Variants in DOCK3 observed in about 807,000 individuals in gnomAD.
The protein encoded by DOCK3 is dedicator of cytokinesis 3, also known as dedicator of cytokinesis protein 3.
In DOCK3, 60 loss-of-function variants were observed where a neutral mutation model predicts 265.6. The ratio of observed to expected loss-of-function variants is 0.23; its 90% CI spans 0.18 to 0.28. DOCK3 has a LOEUF of 0.28. DOCK3 is among the 10% of genes least tolerant of loss of function. The pLI is 1.00. For synonymous variants in DOCK3, 881 were observed against 938.0 expected (o/e 0.94, Z 1.11); for missense variants, 1,981 against 2,594.3 (o/e 0.76, Z 5.14).
chr3:50,819,455 A>G (rs1349205693), intron 2 of DOCK3, among the ~76,000 whole-genome samples: 2 of 152,204 alleles, frequency 1.3e-5, no homozygotes, highest in Non-Finnish European at 2.9e-5. Flanking sequence ...TGTATTGAAC[A>G]CACTATTCCT....
At chr3:51,322,904 A>T (rs1367361527) in intron 32 of DOCK3, among the ~76,000 whole-genome samples, 1 of 150,858 alleles carries the variant, frequency 6.6e-6, no homozygotes, top group African/African-American at 2.4e-5. Context: ...TATTCAAGAG[A>T]CCCATCTCAC....
In DOCK3 at chr3:51,277,555, G is replaced by C. The variant is rs145664535; in HGVS notation, c.2677-53G>C. ...GCTGACCTAGTAAGTGCTGCCAGCTGTACTTCAGCCTGGCTTGCTGCTAAT... is the reference window on the plus strand; with the variant it reads ...GCTGACCTAGTAAGTGCTGCCAGCTCTACTTCAGCCTGGCTTGCTGCTAAT... On this transcript the variant is annotated intron_variant, in intron 25 of 52. Coordinates refer to ENST00000266037, the MANE Select transcript of DOCK3 (RefSeq NM_004947.5). The C allele has an allele frequency of 2.4e-4, 359 of 1,491,406 alleles. 2 individuals carry two copies. In the African/African-American group the frequency reaches 4.6e-3, roughly 19 times the overall value. 92.4% of individuals were successfully genotyped at this position (1,491,406 alleles called of 1,614,324 possible). A position where few individuals can be genotyped will look rare whatever the true frequency, so the allele number is the denominator to read the frequency against.
chr3:51,263,488 G>A (rs1018085621), intron 23 of DOCK3, among the ~76,000 whole-genome samples: 3 of 152,154 alleles, frequency 2.0e-5, no homozygotes, highest in Non-Finnish European at 2.9e-5. Flanking sequence ...AAGGATCATC[G>A]ACACTATGAA....
chr3:51,152,116 T>G (rs945894850), intron 10 of DOCK3, among the ~76,000 whole-genome samples: 1 of 152,208 alleles, frequency 6.6e-6, no homozygotes, highest in African/African-American at 2.4e-5. Context: ...ATTCTCCCCG[T>G]CACTTTCAGG....
chr3:50,679,372 C>T (rs2034223108), intron 1 of DOCK3, among the ~76,000 whole-genome samples: 1 of 152,078 alleles, frequency 6.6e-6, no homozygotes, highest in African/African-American at 2.4e-5. Flanking sequence ...AATCTGAAGA[C>T]CTTACATTTT....
intron 3 of DOCK3, among the ~76,000 whole-genome samples, chr3:50,862,205 T>G (rs2046949216): frequency 1.3e-5 from 2 of 152,216 alleles, no homozygotes; most frequent in African/African-American, 4.8e-5. Flanking sequence ...CAAAGCTCTG[T>G]ATGTGTTCCC....
chr3:51,333,387 A>G lies in DOCK3; in HGVS notation c.3611+134A>G, dbSNP rs931032782. ...TGTTGTGATATTGGGTGCCATCACC[A>G]GTCAATAGGAATCTGCTGATGACCA... On this transcript the variant is annotated intron_variant, in intron 35 of 52. Transcript: ENST00000266037. 3 of 891,914 alleles carry G rather than the reference A, an allele frequency of 3.4e-6. No homozygotes were observed. The Admixed American group carries it at 5.6e-5, about 17-fold the overall frequency. The allele number at this position is 891,914 out of a possible 1,614,324, so 55.2% of individuals were successfully genotyped here.
chr3:51,252,056 A>C (rs964579211), intron 22 of DOCK3, among the ~76,000 whole-genome samples: 9 of 152,154 alleles, frequency 5.9e-5, no homozygotes, highest in Non-Finnish European at 1.0e-4. Flanking sequence ...TAAGGAAGGG[A>C]TCCAGTTTCA....
At chr3:51,195,571 C>T (rs944183564) in intron 12 of DOCK3, among the ~76,000 whole-genome samples, 6 of 151,964 alleles carry the variant, frequency 3.9e-5, no homozygotes, top group Non-Finnish European at 5.9e-5. Context: ...CGTGCCATCA[C>T]GCTCAGCTAA....
intron 21 of DOCK3, among the ~76,000 whole-genome samples, chr3:51,242,932 A>G (rs551256423): frequency 2.5e-4 from 38 of 152,298 alleles, no homozygotes; most frequent in Non-Finnish European, 8.8e-5. Flanking sequence ...AGTGCGTGGC[A>G]TAGGGTCGCA....
At chr3:51,025,196 G>A (rs1218666283) in intron 5 of DOCK3, among the ~76,000 whole-genome samples, 4 of 152,140 alleles carry the variant, frequency 2.6e-5, no homozygotes. Flanking sequence ...ACCAGGTTGG[G>A]TCAGGGTTAG....
chr3:51,049,848 AACT>A (rs35854388), intron 5 of DOCK3, among the ~76,000 whole-genome samples: 124,410 of 151,232 alleles, frequency 0.82, 51,844 homozygotes, highest in East Asian at 0.95. Context: ...ACACTGTTAG[AACT>A]AATAAATGCA....
chr3:51,147,137 A>G (rs2085335504), intron 10 of DOCK3, among the ~76,000 whole-genome samples: 1 of 152,178 alleles, frequency 6.6e-6, no homozygotes, highest in Non-Finnish European at 1.5e-5. Flanking sequence ...ACAAAAAAAA[A>G]TATGACATAG....
intron 19 of DOCK3, among the ~76,000 whole-genome samples, chr3:51,230,923 C>G (rs995566583): frequency 3.3e-5 from 4 of 120,992 alleles, no homozygotes; most frequent in Non-Finnish European, 7.0e-5. Context: ...GTGCATGGGT[C>G]TTTTTGGTAG....
At chr3:50,814,433 A>AT (rs11362223) in intron 2 of DOCK3, among the ~76,000 whole-genome samples, 2 of 149,080 alleles carry the variant, frequency 1.3e-5, no homozygotes, top group African/African-American at 4.9e-5. Context: ...TGCCAGACTA[A>AT]TTTTTTTTTT....
intron 23 of DOCK3, among the ~76,000 whole-genome samples, chr3:51,265,421 C>T (rs1020304091): frequency 2.0e-5 from 3 of 152,182 alleles, no homozygotes; most frequent in Non-Finnish European, 2.9e-5. Context: ...AGGCCACTAT[C>T]CCTGATGAAC....
intron 5 of DOCK3, among the ~76,000 whole-genome samples, chr3:51,010,319 A>T (rs1331088272): frequency 6.6e-6 from 1 of 152,230 alleles, no homozygotes; most frequent in Non-Finnish European, 1.5e-5. Context: ...TGGTGCATAT[A>T]CATTTAGGAT....
intron 3 of DOCK3, among the ~76,000 whole-genome samples, chr3:50,860,781 A>G (rs1222410497): frequency 1.3e-5 from 2 of 152,120 alleles, no homozygotes; most frequent in East Asian, 1.9e-4. Context: ...TAGTGCCACT[A>G]CTTGTAGCTG....
chr3:50,759,298 C>T (rs1414085200), intron 1 of DOCK3, among the ~76,000 whole-genome samples: 1 of 152,090 alleles, frequency 6.6e-6, no homozygotes, highest in African/African-American at 2.4e-5. Flanking sequence ...CTGTTTTCCA[C>T]AGCGGCTGCA....
Sources: allele counts gnomAD v4.1 joint callset (sites outside exome capture counted in the v4.1 genomes callset), GRCh38; gene constraint gnomAD v4.1.1; transcripts MANE v1.5; gene names NCBI Gene and HGNC (gene_info 2026-07-23, HGNC 2026-07-21).